Variants in RHOJ observed in about 807,000 individuals in gnomAD.
The protein encoded by RHOJ is ras homolog family member J.
In RHOJ, 11 loss-of-function variants were observed where a neutral mutation model predicts 23.4. The ratio of observed to expected loss-of-function variants is 0.47; its 90% CI spans 0.30 to 0.78. The LOEUF (loss-of-function observed/expected upper bound fraction) is 0.78, where lower values mean the gene tolerates loss of function less well. RHOJ is among the 30% of genes least tolerant of loss of function. RHOJ has a pLI of 0.08. For synonymous variants in RHOJ, 102 were observed against 102.7 expected (o/e 0.99, Z 0.04); for missense variants, 254 against 273.4 (o/e 0.93, Z 0.50).
chr14:63,254,401 C>T (rs760380668), intron 1 of RHOJ, among the ~76,000 whole-genome samples: 10 of 152,062 alleles, frequency 6.6e-5, no homozygotes, highest in East Asian at 1.9e-4. Flanking sequence ...GAGCTTTATC[C>T]GTTTGATGTG....
At chr14:63,221,727 T>C (rs1307176722) in intron 1 of RHOJ, among the ~76,000 whole-genome samples, 4 of 152,202 alleles carry the variant, frequency 2.6e-5, no homozygotes, top group African/African-American at 9.6e-5. Context: ...CTTCAGAGGC[T>C]CTGAGAAGAT....
At chr14:63,276,519 T>C (rs1881723638) in intron 2 of RHOJ, among the ~76,000 whole-genome samples, 1 of 152,218 alleles carries the variant, frequency 6.6e-6, no homozygotes, top group African/African-American at 2.4e-5. Flanking sequence ...ATTCACCTTA[T>C]ATAGTTCATA....
chr14:63,257,852 TC>T (rs1895198916), intron 1 of RHOJ, among the ~76,000 whole-genome samples: 1 of 149,380 alleles, frequency 6.7e-6, no homozygotes, highest in Admixed American at 6.7e-5. Flanking sequence ...TGATTTCACA[TC>T]CCTCCATCCA....
intron 1 of RHOJ, among the ~76,000 whole-genome samples, chr14:63,217,123 C>T (rs2139733053): frequency 6.7e-6 from 1 of 149,852 alleles, no homozygotes; most frequent in East Asian, 2.0e-4. Context: ...TTTTAGGGTA[C>T]ATGTGCACAT....
chr14:63,207,035 CT>C (rs200555463), intron 1 of RHOJ, among the ~76,000 whole-genome samples: 22,395 of 140,898 alleles, frequency 0.16, 2,123 homozygotes, highest in African/African-American at 0.31. Context: ...CTTTTCTTTT[CT>C]TTTTTTTTTT....
At chr14:63,276,565 C>T (rs960600835) in intron 2 of RHOJ, among the ~76,000 whole-genome samples, 2 of 152,088 alleles carry the variant, frequency 1.3e-5, no homozygotes, top group Admixed American at 6.6e-5. Flanking sequence ...TCAGTAGGCA[C>T]GAAATCTTTT....
At chr14:63,272,979 C>T (rs1449031264) in intron 2 of RHOJ, among the ~76,000 whole-genome samples, 1 of 152,200 alleles carries the variant, frequency 6.6e-6, no homozygotes, top group Non-Finnish European at 1.5e-5. Context: ...GCTGAGATCG[C>T]ACCATTGCAC....
intron 1 of RHOJ, among the ~76,000 whole-genome samples, chr14:63,207,960 G>A (rs1894150365): frequency 6.6e-6 from 1 of 152,144 alleles, no homozygotes; most frequent in Non-Finnish European, 1.5e-5. Flanking sequence ...GAATGAAAAT[G>A]TAATTAAAAG....
At chr14:63,246,442 C>A (rs1204762039) in intron 1 of RHOJ, among the ~76,000 whole-genome samples, 1 of 152,146 alleles carries the variant, frequency 6.6e-6, no homozygotes, top group Non-Finnish European at 1.5e-5. Flanking sequence ...ACTTTGAAAC[C>A]AGACAAACTG....
chr14:63,220,772 G>C (rs1894474445), intron 1 of RHOJ, among the ~76,000 whole-genome samples: 2 of 152,190 alleles, frequency 1.3e-5, no homozygotes, highest in South Asian at 4.1e-4. Flanking sequence ...GATATTCTTA[G>C]AAAAGATCAA....
chr14:63,249,030 G>A (rs1895023637), intron 1 of RHOJ, among the ~76,000 whole-genome samples: 1 of 152,154 alleles, frequency 6.6e-6, no homozygotes. Context: ...CAATCAATGT[G>A]ATCAAGGACA....
chr14:63,247,762 G>A (rs991597805), intron 1 of RHOJ, among the ~76,000 whole-genome samples: 1 of 152,116 alleles, frequency 6.6e-6, no homozygotes, highest in African/African-American at 2.4e-5. Context: ...ATCAAGTATT[G>A]TATTAGTCTG....
At chr14:63,259,948 G>C (rs1042709454) in intron 1 of RHOJ, among the ~76,000 whole-genome samples, 4 of 152,072 alleles carry the variant, frequency 2.6e-5, no homozygotes, top group African/African-American at 9.7e-5. Flanking sequence ...TATAATCTTA[G>C]GATGACAACC....
Position 63,281,057 on chromosome 14 carries a change from C to A in RHOJ, c.324C>A (p.Tyr108Ter). 6.2e-7 allele frequency: 1 copy of A among 1,614,104 alleles called. No homozygotes were observed. Among genetic ancestry groups the A allele is most frequent in the South Asian group, 1.1e-5 (1 of 91,074 alleles). ...ICFSVVNPAS[Y>*]HNVQEEWVPE... is the part of the protein sequence containing the mutation. The stretch of plus-strand genomic sequence containing the variant: ...TCTCTGTCGTAAACCCTGCCTCTTA[C>A]CACAATGTCCAGGAGGAATGGGTCC... Residue 108 changes from tyrosine to a stop codon, truncating the protein, a stop_gained, in exon 3 of 5, where the codon TAC (tyrosine) becomes TAA (stop). Coordinates refer to ENST00000316754, the MANE Select transcript of RHOJ (RefSeq NM_020663.5). LOFTEE classifies it high-confidence loss of function.
intron 2 of RHOJ, among the ~76,000 whole-genome samples, chr14:63,275,624 G>A (rs565765790): frequency 2.0e-5 from 3 of 152,226 alleles, no homozygotes; most frequent in South Asian, 4.1e-4. Flanking sequence ...ATCCTTCCCT[G>A]CACTCCCCAA....
intron 1 of RHOJ, among the ~76,000 whole-genome samples, chr14:63,244,277 A>T (rs1594762822): frequency 6.6e-6 from 1 of 151,986 alleles, no homozygotes; most frequent in East Asian, 1.9e-4. Flanking sequence ...AAAAAAAGGT[A>T]ATGTTCTGGC....
intron 4 of RHOJ, 44 bp from the exon 5 acceptor site, chr14:63,290,834 C>A: frequency 6.4e-7 from 1 of 1,563,812 alleles, no homozygotes; most frequent in Non-Finnish European, 8.6e-7. Flanking sequence ...CTGTGCTTTT[C>A]TCTCTTTTTT....
rs1047877802 is a variant in RHOJ at position 63,238,218 on chromosome 14, T to C, written c.179-30892T>C. ...TAGAAGTACTCTTAGAGGTAGCTCC[T>C]GTGTTTTGTTTGCTTGTTTATTTGT... On this transcript the variant is annotated intron_variant, in intron 1 of 4. Transcript: ENST00000316754. 5.3e-5 allele frequency among the ~76,000 whole-genome samples: 8 copies of C among 152,360 alleles called. No homozygotes were observed. In the South Asian group the frequency reaches 1.7e-3, roughly 32 times the overall value.
intron 1 of RHOJ, among the ~76,000 whole-genome samples, chr14:63,231,559 A>C (rs1458314536): frequency 1.3e-5 from 2 of 152,360 alleles, no homozygotes; most frequent in African/African-American, 4.8e-5. Context: ...TGGTCAAAAG[A>C]TGTGATTTTA....
Sources: gnomAD v4.1 joint callset for allele counts (sites outside exome capture counted in the v4.1 genomes callset) on GRCh38, gnomAD v4.1.1 for gene constraint, MANE v1.5 for transcripts, NCBI Gene and HGNC (gene_info 2026-07-23, HGNC 2026-07-21) for gene names.